Variants in PBX1 observed in about 807,000 individuals in gnomAD.
PBX1 encodes PBX homeobox 1, also known as pre-B-cell leukemia transcription factor 1.
A neutral mutation model predicts 53.4 loss-of-function variants in PBX1; 6 were observed. The ratio of observed to expected loss-of-function variants is 0.11; its 90% CI spans 0.06 to 0.22. The LOEUF (loss-of-function observed/expected upper bound fraction) is 0.22. Ranked by LOEUF, PBX1 falls within the 10% of genes least tolerant of loss-of-function variation. The pLI, the probability that PBX1 is intolerant of heterozygous loss-of-function variation, is 1.00. For missense variants in PBX1, 251 were observed against 551.4 expected (o/e 0.46, Z 5.46); for synonymous variants, 204 against 212.3 (o/e 0.96, Z 0.34).
intron 2 of PBX1, among the ~76,000 whole-genome samples, chr1:164,703,877 C>T (rs1663274920): frequency 6.6e-6 from 1 of 152,170 alleles, no homozygotes; most frequent in Non-Finnish European, 1.5e-5. Context: ...TGGGGTCTGG[C>T]ATTCAGAGCA....
At chr1:164,679,844 A>G (rs1488154774) in intron 2 of PBX1, among the ~76,000 whole-genome samples, 2 of 152,070 alleles carry the variant, frequency 1.3e-5, no homozygotes, top group East Asian at 1.9e-4. Context: ...AACATTGATC[A>G]CCCCTCATTT....
At chr1:164,673,654 A>G (rs1661245552) in intron 2 of PBX1, among the ~76,000 whole-genome samples, 1 of 151,842 alleles carries the variant, frequency 6.6e-6, no homozygotes, top group African/African-American at 2.4e-5. Flanking sequence ...TAACATTTTT[A>G]AGTTGCCCTA....
At chr1:164,633,313 C>T (rs1488422259) in intron 2 of PBX1, among the ~76,000 whole-genome samples, 3 of 152,034 alleles carry the variant, frequency 2.0e-5, no homozygotes, top group Non-Finnish European at 4.4e-5. Flanking sequence ...CCATGCCCGG[C>T]TAATTTTCTT....
At chr1:164,793,274 T>C (rs2102304144) in intron 3 of PBX1, among the ~76,000 whole-genome samples, 1 of 152,288 alleles carries the variant, frequency 6.6e-6, no homozygotes, top group Non-Finnish European at 1.5e-5. Flanking sequence ...GAGTCAAACG[T>C]ATTCCCTCTT....
chr1:164,681,534 A>G (rs1661774167), intron 2 of PBX1, among the ~76,000 whole-genome samples: 1 of 152,240 alleles, frequency 6.6e-6, no homozygotes, highest in Non-Finnish European at 1.5e-5. Flanking sequence ...ATACATCATC[A>G]CAGCTGATTG....
At chr1:164,680,036 G>A (rs1661668183) in intron 2 of PBX1, 2 of 152,130 alleles carry the variant, frequency 1.3e-5, no homozygotes, top group Non-Finnish European at 2.9e-5. Flanking sequence ...CCTTCCTAGC[G>A]AGAGTAAGAC....
At chr1:164,693,363 C>T (rs771918170) in intron 2 of PBX1, among the ~76,000 whole-genome samples, 6 of 152,282 alleles carry the variant, frequency 3.9e-5, no homozygotes, top group Non-Finnish European at 7.3e-5. Context: ...CCTGGAAGGG[C>T]CGAAGAACAA....
rs988822105 is a variant in PBX1 at position 164,849,133 on chromosome 1, C to A, written c.*2457C>A. ...CATTTGCTTGACTTAGGGCAAAGTA[C>A]GAAAGAGAGACAAAAGGGTTCTCTT... On this transcript the variant is annotated 3_prime_UTR_variant, in exon 9 of 9. Transcript: ENST00000420696. 6 of 1,378,984 alleles carry A rather than the reference C, an allele frequency of 4.4e-6. No homozygotes were observed. The African/African-American group carries it at 8.7e-5, about 20-fold the overall frequency. The allele number at this position is 1,378,984 out of a possible 1,614,324, so 85.4% of individuals were successfully genotyped here.
rs769794445 is a variant in PBX1 at position 164,563,223 on chromosome 1, G to GT, written c.192-12dup. ...GAGAGTCCACCTAAGCTATCATGTT[G>GT]TTTCTTTCTTGCAGAAAACATGCTT... On this transcript the variant is annotated splice_polypyrimidine_tract_variant and intron_variant, in intron 1 of 8. Coordinates refer to ENST00000420696, the MANE Select transcript of PBX1 (RefSeq NM_002585.4). 1.3e-6 allele frequency: 2 copies of GT among 1,596,840 alleles called. No homozygotes were observed. Among genetic ancestry groups the GT allele is most frequent in the Non-Finnish European group, 1.7e-6 (2 of 1,165,816 alleles).
At position 164,846,961 on chromosome 1, in the gene PBX1, C is replaced by CCTG; in HGVS notation, c.*285_*286insCTG. 1.6e-6 allele frequency: 2 copies of CCTG among 1,268,502 alleles called. No homozygotes were observed. Among genetic ancestry groups the CCTG allele is most frequent in the South Asian group, 5.8e-5 (2 of 34,266 alleles). The allele number at this position is 1,268,502 out of a possible 1,614,324, so 78.6% of individuals were successfully genotyped here. A position where few individuals can be genotyped will look rare whatever the true frequency, so the allele number is the denominator to read the frequency against. On this transcript the variant is annotated 3_prime_UTR_variant, in exon 9 of 9. Transcript: ENST00000420696. ...CCTGCCCCTGTGCCTCTGTCCTAGA[C>CCTG]TCCCGGGGTCCCCGCCCTCTCTCAT... is the stretch of plus-strand genomic sequence containing the variant.
intron 2 of PBX1, among the ~76,000 whole-genome samples, chr1:164,702,079 A>C (rs1219000632): frequency 6.6e-6 from 1 of 152,208 alleles, no homozygotes; most frequent in Non-Finnish European, 1.5e-5. Context: ...CACCTTTGTT[A>C]AAAGGTATAG....
At chr1:164,821,452 A>G (rs967279205) in intron 7 of PBX1, 85 bp from the exon 8 acceptor site, 11 of 1,019,916 alleles carry the variant, frequency 1.1e-5, no homozygotes, top group Admixed American at 1.7e-5. Flanking sequence ...GCATGCCCAA[A>G]TGGTGGCCTG....
chr1:164,786,533 A>G (rs1229780260), intron 2 of PBX1, among the ~76,000 whole-genome samples: 1 of 152,186 alleles, frequency 6.6e-6, no homozygotes, highest in Non-Finnish European at 1.5e-5. Flanking sequence ...TCTAACCATG[A>G]TGGTGGAAAG....
At chr1:164,593,297 A>G (rs1342534496) in intron 2 of PBX1, among the ~76,000 whole-genome samples, 8 of 152,058 alleles carry the variant, frequency 5.3e-5, no homozygotes, top group Non-Finnish European at 1.5e-5. Flanking sequence ...ATCTCTTTAT[A>G]ATTCCAGACA....
intron 3 of PBX1, among the ~76,000 whole-genome samples, chr1:164,795,242 AG>A (rs1367860411): frequency 6.6e-6 from 1 of 152,182 alleles, no homozygotes; most frequent in Admixed American, 6.5e-5. Flanking sequence ...CCTAGAATCC[AG>A]GATTTTACCC....
At chr1:164,662,283 G>A (rs12736911) in intron 2 of PBX1, among the ~76,000 whole-genome samples, 14,868 of 152,150 alleles carry the variant, frequency 0.098, 1,004 homozygotes, top group Non-Finnish European at 0.15. Flanking sequence ...CCAAGATCTC[G>A]CCACTGCACT....
intron 2 of PBX1, among the ~76,000 whole-genome samples, chr1:164,860,879 A>T (rs1672080809): frequency 6.6e-6 from 1 of 152,158 alleles, no homozygotes; most frequent in South Asian, 2.1e-4. Flanking sequence ...ACGAAGGCAA[A>T]AAAGAAGAGG....
intron 2 of PBX1, among the ~76,000 whole-genome samples, chr1:164,879,706 T>C (rs1017076728): frequency 1.3e-5 from 2 of 152,196 alleles, no homozygotes; most frequent in Non-Finnish European, 2.9e-5. Flanking sequence ...CCAATACCAA[T>C]ATACCAAGGC....
At chr1:164,870,011 T>C (rs993384515) in intron 2 of PBX1, among the ~76,000 whole-genome samples, 5 of 152,086 alleles carry the variant, frequency 3.3e-5, no homozygotes, top group African/African-American at 1.2e-4. Flanking sequence ...ATCCATTAGT[T>C]CACAGCCAGG....
Sources: gnomAD v4.1 joint callset for allele counts (sites outside exome capture counted in the v4.1 genomes callset) on GRCh38, gnomAD v4.1.1 for gene constraint, MANE v1.5 for transcripts, NCBI Gene and HGNC (gene_info 2026-07-23, HGNC 2026-07-21) for gene names.